NFIB: variants seen among roughly 807,000 people sequenced by gnomAD.
NFIB encodes nuclear factor I B.
In NFIB, 11 loss-of-function variants were observed where a neutral mutation model predicts 61.5. That is an observed-to-expected ratio of 0.18 (90% confidence interval 0.11 to 0.30). The LOEUF (loss-of-function observed/expected upper bound fraction) is 0.30, where lower values mean the gene tolerates loss of function less well. Among genes scored for constraint, NFIB ranks in the 10% least tolerant of loss-of-function variants. The probability of loss-of-function intolerance (pLI) is 1.00; values close to 1 mark genes in which losing one functional copy is unlikely to be tolerated. For synonymous variants in NFIB, 260 were observed against 216.5 expected, an observed-to-expected ratio of 1.20 and a Z score of -1.76; for missense variants, 471 against 608.9, an observed-to-expected ratio of 0.77 and a Z score of 2.38.
At chr9:14,504,788 T>G in the NFIB span, among the ~76,000 whole-genome samples, 1 of 152,290 alleles carries the variant, frequency 6.6e-6, no homozygotes, top group East Asian at 1.9e-4. Context: ...CAGGAACAGT[T>G]TGACTTCCTC....
intron 1 of NFIB, among the ~76,000 whole-genome samples, chr9:14,333,770 G>C (rs935451688): frequency 6.6e-6 from 1 of 152,098 alleles, no homozygotes; most frequent in Non-Finnish European, 1.5e-5. Flanking sequence ...TACATCACGA[G>C]TGTATAGCTA....
At chr9:14,512,579 A>G in the NFIB span, among the ~76,000 whole-genome samples, 1 of 152,230 alleles carries the variant, frequency 6.6e-6, no homozygotes, top group Non-Finnish European at 1.5e-5. Context: ...TTAACCCAAT[A>G]TGCATACAGA....
intron 2 of NFIB, among the ~76,000 whole-genome samples, chr9:14,234,068 T>A (rs1450804888): frequency 6.6e-6 from 1 of 152,194 alleles, no homozygotes; most frequent in South Asian, 2.1e-4. Context: ...TAGAGCTAAC[T>A]TCTGTGACTC....
chr9:14,264,007 A>G (rs757642652), intron 2 of NFIB, among the ~76,000 whole-genome samples: 6 of 152,200 alleles, frequency 3.9e-5, no homozygotes, highest in Non-Finnish European at 8.8e-5. Context: ...ACAATTGCCC[A>G]TGGTTGTCAA....
At chr9:14,300,576 A>G (rs1376811554) in intron 2 of NFIB, among the ~76,000 whole-genome samples, 1 of 152,200 alleles carries the variant, frequency 6.6e-6, no homozygotes, top group Admixed American at 6.6e-5. Context: ...CATTTTAATG[A>G]GTGTTTCATG....
At chr9:14,431,099 A>G in the NFIB span, among the ~76,000 whole-genome samples, 2 of 152,236 alleles carry the variant, frequency 1.3e-5, no homozygotes, top group African/African-American at 2.4e-5. Context: ...TTTCTCTCAT[A>G]ACTTGGGCTT....
At chr9:14,418,870 T>A in the NFIB span, among the ~76,000 whole-genome samples, 2 of 152,178 alleles carry the variant, frequency 1.3e-5, no homozygotes, top group East Asian at 3.9e-4. Flanking sequence ...AGAGTGTACA[T>A]TTGACTTCAT....
At chr9:14,267,305 T>C (rs1043119079) in intron 2 of NFIB, among the ~76,000 whole-genome samples, 3 of 152,210 alleles carry the variant, frequency 2.0e-5, no homozygotes, top group African/African-American at 7.2e-5. Context: ...GGTTAAATCA[T>C]GATTCCACAA....
chr9:14,404,216 C>T, the NFIB span, among the ~76,000 whole-genome samples: 3 of 152,150 alleles, frequency 2.0e-5, no homozygotes, highest in African/African-American at 7.2e-5. Flanking sequence ...TAGGTTTAAA[C>T]AACCCCTACC....
At chr9:14,402,360 G>A (rs1334476648), upstream of NFIB, among the ~76,000 whole-genome samples, 1 of 152,114 alleles carries the variant, frequency 6.6e-6, no homozygotes, top group African/African-American at 2.4e-5. Flanking sequence ...CCTTCTTTGA[G>A]ACTCTGTACT....
At chr9:14,480,611 G>A in the NFIB span, among the ~76,000 whole-genome samples, 1 of 152,110 alleles carries the variant, frequency 6.6e-6, no homozygotes, top group Non-Finnish European at 1.5e-5. Flanking sequence ...ACGTTTATTG[G>A]CTTCCAGCTT....
At chr9:14,288,344 TAA>T (rs1048037699) in intron 2 of NFIB, among the ~76,000 whole-genome samples, 1 of 139,298 alleles carries the variant, frequency 7.2e-6, no homozygotes, top group Non-Finnish European at 1.6e-5. Flanking sequence ...GATTCAATAA[TAA>T]AAAAGAGATT....
chr9:14,316,225 C>T (rs1174588985), upstream of NFIB, among the ~76,000 whole-genome samples: 1 of 152,266 alleles, frequency 6.6e-6, no homozygotes, highest in Admixed American at 6.5e-5. Flanking sequence ...CCCGTCCTGT[C>T]CTCATTAGGG....
the NFIB span, among the ~76,000 whole-genome samples, chr9:14,494,567 T>A: frequency 6.6e-6 from 1 of 152,230 alleles, no homozygotes; most frequent in Non-Finnish European, 1.5e-5. Flanking sequence ...GCTACGAAGC[T>A]GGCAGAGTAT....
At chr9:14,484,872 A>T in the NFIB span, among the ~76,000 whole-genome samples, 1 of 152,280 alleles carries the variant, frequency 6.6e-6, no homozygotes, top group South Asian at 2.1e-4. Flanking sequence ...AAACAACAGA[A>T]ATATATTTTT....
At chr9:14,412,661 C>G in the NFIB span, among the ~76,000 whole-genome samples, 1 of 152,076 alleles carries the variant, frequency 6.6e-6, no homozygotes, top group Non-Finnish European at 1.5e-5. Flanking sequence ...GTGGGTTACT[C>G]CAGATCAACT....
chr9:14,499,591 C>T, the NFIB span, among the ~76,000 whole-genome samples: 1 of 152,156 alleles, frequency 6.6e-6, no homozygotes, highest in African/African-American at 2.4e-5. Context: ...ATCTCTATAG[C>T]AACTTGAAAA....
chr9:14,425,420 C>A, the NFIB span, among the ~76,000 whole-genome samples: 1 of 152,108 alleles, frequency 6.6e-6, no homozygotes, highest in Non-Finnish European at 1.5e-5. Context: ...TGACCACTCA[C>A]TCCATCCTCT....
chr9:14,159,862 G>C (rs116718970), intron 3 of NFIB, among the ~76,000 whole-genome samples: 2,767 of 152,174 alleles, frequency 0.018, 74 homozygotes, highest in African/African-American at 0.062. Context: ...AAGGTCCTTG[G>C]GCCTTTCAGG....
Sources: gnomAD v4.1 joint callset for allele counts (sites outside exome capture counted in the v4.1 genomes callset) on GRCh38, gnomAD v4.1.1 for gene constraint, MANE v1.5 for transcripts, NCBI Gene and HGNC (gene_info 2026-07-23, HGNC 2026-07-21) for gene names.